CKAP5: variants seen among roughly 807,000 people sequenced by gnomAD.
CKAP5 encodes the protein cytoskeleton associated protein 5, also known as cytoskeleton-associated protein 5.
CKAP5 carries 27 observed loss-of-function variants against 232.8 expected under a neutral mutation model. That is an observed-to-expected ratio of 0.12 (90% CI 0.09 to 0.16). The LOEUF is 0.16. Ranked by LOEUF, CKAP5 falls within the 10% of genes least tolerant of loss-of-function variation. The probability of loss-of-function intolerance (pLI) is 1.00; values close to 1 mark genes in which losing one functional copy is unlikely to be tolerated. For synonymous variants in CKAP5, 785 were observed against 841.1 expected, an observed-to-expected ratio of 0.93 and a Z score of 1.16; for missense variants, 1,838 against 2,424.7, an observed-to-expected ratio of 0.76 and a Z score of 5.08.
At chr11:46,762,592 G>C in intron 31 of CKAP5, 35 bp downstream of exon 31, 1 of 1,612,270 alleles carries the variant, frequency 6.2e-7, no homozygotes, top group Non-Finnish European at 8.5e-7. Context: ...TACTGCTGCA[G>C]AGATTCACAT....
chr11:46,819,620 A>C (rs1939481733), intron 2 of CKAP5, among the ~76,000 whole-genome samples: 1 of 152,176 alleles, frequency 6.6e-6, no homozygotes, highest in African/African-American at 2.4e-5. Context: ...AATAATTTAC[A>C]TGTTATTTGT....
chr11:46,761,010 A>C lies in CKAP5; in HGVS notation c.4222-226T>G, dbSNP rs186554069. 1.1e-4 allele frequency among the ~76,000 whole-genome samples: 16 copies of C among 152,318 alleles called. No individual in the cohort carries two copies. The East Asian group carries it at 3.1e-3, about 29-fold the overall frequency. On this transcript the variant is annotated intron_variant, in intron 32 of 43. Coordinates refer to ENST00000529230, the MANE Select transcript of CKAP5 (RefSeq NM_001008938.4). ...ATGCATGTAATCCCAGCACTTTGGG[A>C]GGCCAAAGCAGGAGGATCACTTGAG... is the stretch of plus-strand genomic sequence containing the variant.
At chr11:46,806,566 A>G (rs954477126) in intron 8 of CKAP5, among the ~76,000 whole-genome samples, 1 of 152,062 alleles carries the variant, frequency 6.6e-6, no homozygotes, top group Non-Finnish European at 1.5e-5. Context: ...ACTCTCTTTT[A>G]ATTTATTTTA....
intron 39 of CKAP5, 33 bp downstream of exon 39, chr11:46,751,313 C>T (rs1325053806): frequency 6.2e-7 from 1 of 1,614,056 alleles, no homozygotes; most frequent in Admixed American, 1.7e-5. Flanking sequence ...TTCTCTCAAG[C>T]TCCCTCAGAG....
chr11:46,775,796 G>A (rs1170178808), intron 24 of CKAP5, among the ~76,000 whole-genome samples: 1 of 152,022 alleles, frequency 6.6e-6, no homozygotes, highest in Non-Finnish European at 1.5e-5. Flanking sequence ...CACAGGGAGG[G>A]GAACATCACA....
At chr11:46,758,854 T>C (rs1304655389) in intron 35 of CKAP5, 69 bp downstream of exon 35, 18 of 1,557,336 alleles carry the variant, frequency 1.2e-5, no homozygotes, top group Non-Finnish European at 1.5e-5. Flanking sequence ...TCTGCGAGTG[T>C]GCAATTCATC....
At chr11:46,828,744 TAACA>T (rs1256210959) in intron 1 of CKAP5, among the ~76,000 whole-genome samples, 1 of 152,094 alleles carries the variant, frequency 6.6e-6, no homozygotes, top group African/African-American at 2.4e-5. Context: ...AAAAATCTAC[TAACA>T]GTCACAAAAA....
chr11:46,770,677 T>A, intron 25 of CKAP5, 111 bp downstream of exon 25: 1 of 945,362 alleles, frequency 1.1e-6, no homozygotes. Flanking sequence ...AATCCACCTG[T>A]CTCGGCCTCC....
intron 29 of CKAP5, 88 bp downstream of exon 29, chr11:46,763,393 C>G: frequency 8.0e-7 from 1 of 1,242,468 alleles, no homozygotes; most frequent in Non-Finnish European, 1.1e-6. Context: ...TATTCTACTT[C>G]CAAGTCATGC....
rs76404449 is a variant in CKAP5 at position 46,826,467 on chromosome 11, T to C, written c.-37-5199A>G. 2.4e-3 allele frequency among the ~76,000 whole-genome samples: 366 copies of C among 152,240 alleles called. 6 individuals carry two copies. In the East Asian group the frequency reaches 0.038, roughly 16 times the overall value. ...TTCAGCTCCACCCATTCAGCTCAAA[T>C]GGGTTATACTCTGGTAAAAGCAACC... On this transcript the variant is annotated intron_variant, in intron 1 of 43. Transcript: ENST00000529230.
Position 46,796,661 on chromosome 11 carries a change from T to C in CKAP5, c.1467+151A>G, listed in dbSNP as rs373893493. 5.8e-5 allele frequency: 45 copies of C among 770,470 alleles called. No homozygotes were observed. In the Admixed American group the frequency reaches 8.3e-4, roughly 14 times the overall value. 47.7% of individuals were successfully genotyped at this position (770,470 alleles called of 1,614,324 possible). A position where few individuals can be genotyped will look rare whatever the true frequency, so the allele number is the denominator to read the frequency against. On this transcript the variant is annotated intron_variant, in intron 12 of 43. Transcript: ENST00000529230. ...CATCCTCCAAAACTTGTTTCAATTA[T>C]GCATTTCTTTCCTACTATAAATGGC... is the stretch of plus-strand genomic sequence containing the variant.
At position 46,783,274 on chromosome 11, in the gene CKAP5, C is replaced by T; in HGVS notation, c.2249G>A (p.Gly750Glu). ...SNAIKEFGFS[G>E]LNVKAFISNV... ...TCCACTTGATTTCGTTCTGACTTAC[C>T]CAGAAAAACCAAATTCTTTTATGGC... The change falls in exon 18 of 44, where the codon GGG (glycine) becomes GAG (glutamate). Residue 750 changes from glycine to glutamate, a missense_variant and splice_region_variant. Gly to Glu is a moderately conservative substitution (Grantham distance 98). Around this residue, in one of 6 missense-constraint regions of CKAP5, gnomAD observed 767 missense variants for 954.6 expected, o/e 0.80. Coordinates refer to ENST00000529230, the MANE Select transcript of CKAP5 (RefSeq NM_001008938.4). 1 of 1,585,534 alleles carries T rather than the reference C, an allele frequency of 6.3e-7. No homozygotes were observed. Among genetic ancestry groups the T allele is most frequent in the African/African-American group, 1.3e-5 (1 of 74,212 alleles).
rs527464961 is a variant in CKAP5, at chr11:46,830,843, T to A, written c.-37-9575A>T. On this transcript the variant is annotated intron_variant, in intron 1 of 43. Coordinates refer to ENST00000529230, the MANE Select transcript of CKAP5 (RefSeq NM_001008938.4). ...TTTGGGAGGCCAAGGTGGGGGCGGATCACGAGGTCAGGAGATCGAGACCAT... is the reference window on the plus strand; with the variant it reads ...TTTGGGAGGCCAAGGTGGGGGCGGAACACGAGGTCAGGAGATCGAGACCAT... Among the ~76,000 whole-genome samples the A allele has an allele frequency of 4.6e-5, 7 of 152,170 alleles. No individual in the cohort carries two copies. The South Asian group carries it at 1.5e-3, about 32-fold the overall frequency.
At chr11:46,842,711 T>C (rs1940084279) in intron 1 of CKAP5, among the ~76,000 whole-genome samples, 1 of 152,160 alleles carries the variant, frequency 6.6e-6, no homozygotes, top group Non-Finnish European at 1.5e-5. Context: ...CTCACGCCTG[T>C]AATCCCAGCA....
intron 4 of CKAP5, among the ~76,000 whole-genome samples, chr11:46,815,153 C>G (rs1474652733): frequency 6.6e-6 from 1 of 152,042 alleles, no homozygotes; most frequent in Non-Finnish European, 1.5e-5. Flanking sequence ...CAGGTTCAAG[C>G]AATTCTCCTG....
At position 46,751,381 on chromosome 11, in the gene CKAP5, G is replaced by C. The variant is rs931366287; in HGVS notation, c.5287C>G (p.Leu1763Val). 6.2e-7 allele frequency: 1 copy of C among 1,614,070 alleles called. No individual in the cohort carries two copies. Among genetic ancestry groups the C allele is most frequent in the Non-Finnish European group, 8.5e-7 (1 of 1,179,986 alleles). ...TTTAATTTGCATAAGGTGTGTAGCA[G>C]GGTCTTTAGGGTCCTTATGGGAAAT... ...SEFPIRTLKT[L>V]LHTLCKLKGP... Residue 1763 changes from leucine to valine, a missense_variant, in exon 39 of 44, where the codon CTG (leucine) becomes GTG (valine). Transcript: ENST00000529230.
Position 46,816,231 on chromosome 11 carries a change from A to G in CKAP5, c.425T>C (p.Val142Ala), listed in dbSNP as rs754344128. The change falls in exon 4 of 44, where the codon GTG becomes GCG. Residue 142 changes from valine to alanine, a missense_variant. By Grantham distance (64) the Val-to-Ala change is moderately conservative. Around this residue, in one of 6 missense-constraint regions of CKAP5, gnomAD observed 285 missense variants for 300.0 expected, o/e 0.95. Transcript: ENST00000529230. ...TTTCCTCAGTGTCTCTATACAGGCCACTATGATCTTGGGATTCTTATTGTC... is the reference window on the plus strand; with the variant it reads ...TTTCCTCAGTGTCTCTATACAGGCCGCTATGATCTTGGGATTCTTATTGTC... ...GLDNKNPKII[V>A]ACIETLRKAL... is the part of the protein sequence containing the mutation. 1.9e-6 allele frequency: 3 copies of G among 1,614,136 alleles called. No individual in the cohort carries two copies. The highest frequency in any genetic ancestry group is 3.3e-5 in the Admixed American group (2 of 60,012).
At position 46,776,269 on chromosome 11, in the gene CKAP5, A is replaced by C. The variant is rs1305076593; in HGVS notation, c.2977T>G (p.Phe993Val). 1.9e-6 allele frequency: 3 copies of C among 1,613,840 alleles called. No homozygotes were observed. The highest frequency in any genetic ancestry group is 2.5e-6 in the Non-Finnish European group (3 of 1,179,804). The change falls in exon 24 of 44, where the codon TTC (phenylalanine) becomes GTC (valine). Residue 993 changes from phenylalanine to valine, a missense_variant. Phe to Val is a conservative substitution (Grantham distance 50). This residue lies in a region of CKAP5 where 767 missense variants were observed against 954.6 expected (regional missense o/e 0.80). Coordinates refer to ENST00000529230, the MANE Select transcript of CKAP5 (RefSeq NM_001008938.4). ...LSEELKKENP[F>V]LRQELLGWLA... ...ATGATACTAACCTCTTGCCTCAAGA[A>C]AGGATTTTCCTTTTTGAGCTCTTCA...
intron 16 of CKAP5, among the ~76,000 whole-genome samples, chr11:46,787,031 G>A (rs998741280): frequency 1.3e-5 from 2 of 152,134 alleles, no homozygotes; most frequent in Admixed American, 6.5e-5. Flanking sequence ...AGTGATGCAC[G>A]CCTGTGGTCC....
Sources: allele counts gnomAD v4.1 joint callset (sites outside exome capture counted in the v4.1 genomes callset), GRCh38; gene constraint gnomAD v4.1.1; regional missense constraint gnomAD v4.1.1; transcripts MANE v1.5; gene names NCBI Gene and HGNC (gene_info 2026-07-23, HGNC 2026-07-21).